The following SRGAP2 variants were observed in gnomAD, a reference collection of about 807,000 sequenced individuals.
SRGAP2 encodes the protein SLIT-ROBO Rho GTPase activating protein 2, also known as SLIT-ROBO Rho GTPase-activating protein 2.
SRGAP2 carries 15 observed loss-of-function variants against 57.2 expected under a neutral mutation model. The observed-to-expected ratio is 0.26, with a 90% confidence interval of 0.18 to 0.40. SRGAP2 has a LOEUF of 0.40. Among genes scored for constraint, SRGAP2 ranks in the 10% least tolerant of loss-of-function variants. The pLI is 1.00. For missense variants in SRGAP2, 520 were observed against 669.6 expected, an observed-to-expected ratio of 0.78 and a Z score of 2.47; for synonymous variants, 249 against 248.0, an observed-to-expected ratio of 1.00 and a Z score of -0.04.
chr1:206,452,058 A>G (rs1663361612), intron 19 of SRGAP2, among the ~76,000 whole-genome samples: 1 of 152,248 alleles, frequency 6.6e-6, no homozygotes, highest in African/African-American at 2.4e-5. Context: ...AGCCTAGCAC[A>G]GACGAAGATA....
At chr1:206,226,869 C>T (rs1437062450) in intron 2 of SRGAP2, among the ~76,000 whole-genome samples, 10 of 151,940 alleles carry the variant, frequency 6.6e-5, no homozygotes, top group African/African-American at 1.5e-4. Flanking sequence ...ACAATTTGGG[C>T]GAGATAGATG....
chr1:206,411,801 C>T (rs1441317223), intron 10 of SRGAP2, among the ~76,000 whole-genome samples: 1 of 152,182 alleles, frequency 6.6e-6, no homozygotes, highest in African/African-American at 2.4e-5. Context: ...CCTCTTACTA[C>T]TTTTTTAAGG....
At chr1:206,346,995 C>G (rs1472017147) in intron 4 of SRGAP2, among the ~76,000 whole-genome samples, 2 of 150,100 alleles carry the variant, frequency 1.3e-5, no homozygotes, top group Non-Finnish European at 3.0e-5. Context: ...TAATCCCAGC[C>G]CTTTGGGAGG....
intron 2 of SRGAP2, among the ~76,000 whole-genome samples, chr1:206,249,525 T>G (rs1222663629): frequency 5.3e-5 from 8 of 151,038 alleles, no homozygotes; most frequent in Non-Finnish European, 1.0e-4. Flanking sequence ...TTCTCACTCA[T>G]AAGTGGGAGT....
chr1:206,302,638 G>T (rs1244724398), intron 2 of SRGAP2, among the ~76,000 whole-genome samples: 1 of 152,236 alleles, frequency 6.6e-6, no homozygotes, highest in African/African-American at 2.4e-5. Flanking sequence ...TGGTTTGCCT[G>T]CCCAGAAGTT....
chr1:206,423,949 ATTTTTTTTT>A (rs782243765), intron 13 of SRGAP2, among the ~76,000 whole-genome samples: 1 of 87,744 alleles, frequency 1.1e-5, no homozygotes, highest in African/African-American at 4.2e-5. Flanking sequence ...TAATTTATGT[ATTTTTTTTT>A]TTTTTTTTTT....
At chr1:206,460,547 C>T (rs1188328267) in intron 22 of SRGAP2, among the ~76,000 whole-genome samples, 1 of 152,112 alleles carries the variant, frequency 6.6e-6, no homozygotes, top group East Asian at 1.9e-4. Context: ...GAAGGACTAA[C>T]CCTCTTCACC....
intron 10 of SRGAP2, among the ~76,000 whole-genome samples, chr1:206,415,248 TG>T (rs368292680): frequency 0.011 from 1,686 of 152,272 alleles, 33 homozygotes; most frequent in African/African-American, 0.038. Flanking sequence ...TGAGAGCAGG[TG>T]GGATCACATT....
In SRGAP2 at chr1:206,214,537, A is replaced by AT. The variant is rs531526761; in HGVS notation, c.67+8502dup. On this transcript the variant is annotated intron_variant, in intron 2 of 22. Transcript: ENST00000573034. ...GCTGCGCAGTCCCGTATCTTCACCT[A>AT]TTGAAATCTCATCCTTCTGCTGGGG... 22 of 149,240 alleles carry AT rather than the reference A, an allele frequency of 1.5e-4. No homozygotes were observed. In the East Asian group the frequency reaches 4.3e-3, roughly 29 times the overall value. The allele number at this position is 149,240 out of a possible 1,614,324, so 9.2% of individuals were successfully genotyped here. A position where few individuals can be genotyped will look rare whatever the true frequency, so the allele number is the denominator to read the frequency against.
Position 206,267,076 on chromosome 1 carries a change from C to T in SRGAP2, c.68-36205C>T, listed in dbSNP as rs565040449. Among the ~76,000 whole-genome samples, 430 of 148,980 alleles carry T rather than the reference C, an allele frequency of 2.9e-3. 1 individual carries two copies. The highest frequency in any genetic ancestry group is 0.01 in the African/African-American group (419 of 40,320). On this transcript the variant is annotated intron_variant, in intron 2 of 22. Transcript: ENST00000573034. ...CTCCGCCTCCCGGGTTCACACCATT[C>T]TCCTGCCTCAGCCTCCCAAGTAGCT...
intron 13 of SRGAP2, among the ~76,000 whole-genome samples, chr1:206,423,577 G>A (rs566490761): frequency 3.9e-5 from 6 of 152,170 alleles, no homozygotes; most frequent in Admixed American, 6.5e-5. Flanking sequence ...CAGTCTCTGA[G>A]GCCCCAAATC....
At chr1:206,325,754 A>C (rs1673832769) in intron 3 of SRGAP2, among the ~76,000 whole-genome samples, 2 of 152,106 alleles carry the variant, frequency 1.3e-5, no homozygotes, top group South Asian at 4.1e-4. Flanking sequence ...GTTGAATCCC[A>C]CAGTTTGTAA....
At chr1:206,263,068 A>G (rs1299805423) in intron 2 of SRGAP2, among the ~76,000 whole-genome samples, 4 of 150,732 alleles carry the variant, frequency 2.7e-5, no homozygotes, top group African/African-American at 9.8e-5. Flanking sequence ...GGCAATTAAG[A>G]CTTTTTTTTT....
chr1:206,445,999 A>G (rs1662722992), intron 17 of SRGAP2, 76 bp from the exon 18 acceptor site: 3 of 740,206 alleles, frequency 4.1e-6, no homozygotes, highest in Non-Finnish European at 7.6e-6. Flanking sequence ...TGCTCTTGGC[A>G]GCGCCTCCTG....
chr1:206,213,444 A>AC (rs1211972514), intron 2 of SRGAP2: 2 of 335,586 alleles, frequency 6.0e-6, no homozygotes, highest in African/African-American at 4.5e-5. Context: ...GATCTAAGCT[A>AC]CCCAGATTAG....
At chr1:206,314,105 G>GTTTTTTTTTTTTTTTTTTTTTTTT (rs797022788) in intron 3 of SRGAP2, among the ~76,000 whole-genome samples, 1 of 138,560 alleles carries the variant, frequency 7.2e-6, no homozygotes. Context: ...TGTTTTTTTT[G>GTTTTTTTTTTTTTTTTTTTTTTTT]TTTTTTTTTT....
chr1:206,311,088 G>T (rs1456846374), intron 3 of SRGAP2, among the ~76,000 whole-genome samples: 2 of 148,486 alleles, frequency 1.3e-5, no homozygotes, highest in Non-Finnish European at 3.0e-5. Flanking sequence ...ATTTTTTAAA[G>T]GTGCACTCTG....
At chr1:206,385,962 A>C (rs1185672948) in intron 5 of SRGAP2, among the ~76,000 whole-genome samples, 1 of 152,232 alleles carries the variant, frequency 6.6e-6, no homozygotes, top group Non-Finnish European at 1.5e-5. Context: ...GTTTTCCTCT[A>C]GTAGGCAATG....
At chr1:206,425,664 A>G (rs576166795) in intron 13 of SRGAP2, among the ~76,000 whole-genome samples, 1 of 152,204 alleles carries the variant, frequency 6.6e-6, no homozygotes, top group African/African-American at 2.4e-5. Flanking sequence ...CCTCCCAAGT[A>G]GCTGGGATTA....
Sources: gnomAD v4.1 joint callset for allele counts (sites outside exome capture counted in the v4.1 genomes callset) on GRCh38, gnomAD v4.1.1 for gene constraint, MANE v1.5 for transcripts, NCBI Gene and HGNC (gene_info 2026-07-23, HGNC 2026-07-21) for gene names.